TLCD4: variants seen among roughly 807,000 people sequenced by gnomAD.
The protein encoded by TLCD4 is TLC domain containing 4.
Under a neutral mutation model 24.2 loss-of-function variants are expected in TLCD4, and 7 were observed. That is an observed-to-expected ratio of 0.29 (90% CI 0.16 to 0.54). TLCD4 has a LOEUF of 0.54. TLCD4 is among the 20% of genes least tolerant of loss of function. The pLI is 0.95. For synonymous variants in TLCD4, 103 were observed against 106.4 expected (o/e 0.97, Z 0.20); for missense variants, 259 against 313.9 (o/e 0.82, Z 1.32).
chr1:95,166,597 T>A (rs752539746), intron 5 of TLCD4, among the ~76,000 whole-genome samples: 7 of 152,160 alleles, frequency 4.6e-5, no homozygotes, highest in Non-Finnish European at 7.3e-5. Flanking sequence ...CATCCATTCC[T>A]CCCCATCATC....
intron 1 of TLCD4, among the ~76,000 whole-genome samples, chr1:95,141,675 C>T (rs991956260): frequency 6.6e-6 from 1 of 151,782 alleles, no homozygotes; most frequent in Non-Finnish European, 1.5e-5. Flanking sequence ...GGCTAAAAGA[C>T]CACAAATTAA....
chr1:95,112,586 A>G (rs77257619), upstream of TLCD4, among the ~76,000 whole-genome samples: 1 of 152,226 alleles, frequency 6.6e-6, no homozygotes, highest in African/African-American at 2.4e-5. Context: ...AGACATTTCA[A>G]TGGCAACACT....
chr1:95,186,773 A>G (rs1678844091), intron 6 of TLCD4, among the ~76,000 whole-genome samples: 1 of 152,206 alleles, frequency 6.6e-6, no homozygotes, highest in East Asian at 1.9e-4. Flanking sequence ...TAATTTAGCC[A>G]TTGCTATCTA....
chr1:95,106,100 T>C, the TLCD4 span, among the ~76,000 whole-genome samples: 3 of 152,094 alleles, frequency 2.0e-5, no homozygotes, highest in Admixed American at 1.3e-4. Context: ...ATAATCACTG[T>C]AGATAATATT....
At chr1:95,129,000 C>T (rs1571726627) in intron 1 of TLCD4, among the ~76,000 whole-genome samples, 2 of 152,250 alleles carry the variant, frequency 1.3e-5, no homozygotes, top group South Asian at 2.1e-4. Flanking sequence ...AGTATGGATA[C>T]TTTTTTGCTG....
chr1:95,094,302 ATTT>A, the TLCD4 span, among the ~76,000 whole-genome samples: 2 of 144,996 alleles, frequency 1.4e-5, no homozygotes, highest in Non-Finnish European at 1.5e-5. Context: ...GGCTAATTGC[ATTT>A]TTTTTTTTTT....
chr1:95,168,154 A>G (rs1381662535), intron 5 of TLCD4, among the ~76,000 whole-genome samples: 1 of 152,216 alleles, frequency 6.6e-6, no homozygotes, highest in South Asian at 2.1e-4. Flanking sequence ...GCCCTGTTTA[A>G]AAGTATTAAC....
chr1:95,182,523 G>C lies in TLCD4; in HGVS notation c.473+8634G>C, dbSNP rs116019110. On this transcript the variant is annotated intron_variant, in intron 6 of 6. Transcript: ENST00000370203. Reference sequence around the variant, plus strand: ...CTAACTGAAACTTTTCTTTTTTCTGGTTTTGTTTTTAACTGCAAGCAAGCA... The same window carrying C: ...CTAACTGAAACTTTTCTTTTTTCTGCTTTTGTTTTTAACTGCAAGCAAGCA... Among the ~76,000 whole-genome samples the C allele has an allele frequency of 4.6e-3, 692 of 151,992 alleles. 5 individuals are homozygous for C. Among genetic ancestry groups the C allele is most frequent in the African/African-American group, 0.016 (665 of 41,460 alleles).
intron 2 of TLCD4, among the ~76,000 whole-genome samples, chr1:95,146,466 G>T (rs34203531): frequency 0.066 from 10,042 of 151,856 alleles, 404 homozygotes; most frequent in Non-Finnish European, 0.089. Context: ...ACTTAAAATT[G>T]CTATTCTAAA....
intron 6 of TLCD4, among the ~76,000 whole-genome samples, chr1:95,178,674 G>T (rs1678528431): frequency 1.4e-5 from 2 of 145,138 alleles, no homozygotes; most frequent in African/African-American, 5.2e-5. Context: ...TACTCATATT[G>T]GTGTAAGGGA....
the TLCD4 span, among the ~76,000 whole-genome samples, chr1:95,104,694 C>T: frequency 8.4e-6 from 1 of 118,444 alleles, no homozygotes; most frequent in African/African-American, 2.8e-5. Flanking sequence ...TTTAACATGC[C>T]TAATCTACTG....
rs1679086318 is a variant in TLCD4 at position 95,193,284 on chromosome 1, T to C, written c.*1416T>C. ...AAGTATTCTATCATCAAAATTATTG[T>C]CTGATTATATGAAGATAAATGACTG... On this transcript the variant is annotated 3_prime_UTR_variant, in exon 7 of 7. Coordinates refer to ENST00000370203, the MANE Select transcript of TLCD4 (RefSeq NM_152487.3). 1 of 152,146 alleles carries C rather than the reference T, an allele frequency of 6.6e-6. No individual in the cohort carries two copies. The highest frequency in any genetic ancestry group is 2.1e-4 in the South Asian group (1 of 4,836). 9.4% of individuals were successfully genotyped at this position (152,146 alleles called of 1,614,324 possible).
intron 6 of TLCD4, among the ~76,000 whole-genome samples, chr1:95,178,608 T>C (rs925570225): frequency 7.4e-6 from 1 of 135,174 alleles, no homozygotes; most frequent in Admixed American, 7.9e-5. Flanking sequence ...ACTAATATTC[T>C]CCCTGCTTCT....
intron 6 of TLCD4, among the ~76,000 whole-genome samples, chr1:95,187,978 T>G (rs1678884857): frequency 6.6e-6 from 1 of 152,114 alleles, no homozygotes; most frequent in African/African-American, 2.4e-5. Flanking sequence ...CTCCTTTCTT[T>G]TAAGGGCACT....
chr1:95,169,073 C>T (rs1678121810), intron 5 of TLCD4, among the ~76,000 whole-genome samples: 1 of 152,216 alleles, frequency 6.6e-6, no homozygotes, highest in South Asian at 2.1e-4. Flanking sequence ...GAGCTAGCTC[C>T]TTGGGGCTTA....
At chr1:95,146,422 C>G (rs1677350266) in intron 2 of TLCD4, among the ~76,000 whole-genome samples, 1 of 151,886 alleles carries the variant, frequency 6.6e-6, no homozygotes, top group African/African-American at 2.4e-5. Context: ...TATATAATTT[C>G]TGTTGGCAAT....
At chr1:95,136,039 G>GT (rs58511423) in intron 1 of TLCD4, among the ~76,000 whole-genome samples, 11,100 of 146,962 alleles carry the variant, frequency 0.076, 455 homozygotes, top group East Asian at 0.15. Context: ...AAGTTTTCAA[G>GT]TTTTTTTTTT....
intron 1 of TLCD4, among the ~76,000 whole-genome samples, chr1:95,119,154 C>G (rs1676507308): frequency 6.6e-6 from 1 of 152,166 alleles, no homozygotes; most frequent in Non-Finnish European, 1.5e-5. Context: ...AATAATGGGT[C>G]TTTGCTACTA....
chr1:95,137,402 A>G (rs1677073848), intron 1 of TLCD4, among the ~76,000 whole-genome samples: 1 of 152,132 alleles, frequency 6.6e-6, no homozygotes, highest in Non-Finnish European at 1.5e-5. Context: ...TTACTGCAAA[A>G]CACTCCAGCA....
Sources: gnomAD v4.1 joint callset for allele counts (sites outside exome capture counted in the v4.1 genomes callset) on GRCh38, gnomAD v4.1.1 for gene constraint, MANE v1.5 for transcripts, NCBI Gene and HGNC (gene_info 2026-07-23, HGNC 2026-07-21) for gene names.